Variants in MGA observed in about 807,000 individuals in gnomAD.
MGA encodes the protein MAX dimerization protein MGA, also known as MAX gene-associated protein.
Under a neutral mutation model 261.1 loss-of-function variants are expected in MGA, and 40 were observed. The observed-to-expected ratio is 0.15, with a 90% CI of 0.12 to 0.20. MGA has a LOEUF of 0.20. Among genes scored for constraint, MGA ranks in the 10% least tolerant of loss-of-function variants. MGA has a pLI of 1.00. For synonymous variants in MGA, 1,302 were observed against 1,290.6 expected (o/e 1.01, Z -0.19); for missense variants, 3,397 against 3,630.5 (o/e 0.94, Z 1.65).
Position 41,742,951 on chromosome 15 carries a change from C to G in MGA, c.4991C>G (p.Thr1664Ser), listed in dbSNP as rs1225024856. Reference sequence around the variant, plus strand: ...GCCACTGTGAACCTTACCAAAACCACTGGGATAACTACCCCTGTGGCTTCA... The same window carrying G: ...GCCACTGTGAACCTTACCAAAACCAGTGGGATAACTACCCCTGTGGCTTCA... Residue 1664 changes from threonine (T) to serine (S), a missense_variant, in exon 15 of 24, where the codon ACT (threonine) becomes AGT (serine). Physicochemically the swap from Thr to Ser is moderately conservative, Grantham distance 58. Transcript: ENST00000219905. 1 of 1,614,052 alleles carries G rather than the reference C, an allele frequency of 6.2e-7. No homozygotes were observed. The highest frequency in any genetic ancestry group is 8.5e-7 in the Non-Finnish European group (1 of 1,179,904).
chr15:41,640,783 C>T (rs1487524494), intron 1 of MGA, among the ~76,000 whole-genome samples: 1 of 152,216 alleles, frequency 6.6e-6, no homozygotes, highest in East Asian at 1.9e-4. Context: ...TCCCAAAGTG[C>T]TGGGATTATA....
At chr15:41,707,966 AAGAT>A (rs1195954331) in intron 6 of MGA, 107 bp downstream of exon 6, 25 of 1,413,914 alleles carry the variant, frequency 1.8e-5, no homozygotes, top group South Asian at 5.5e-5. Flanking sequence ...ACATTAGTCT[AAGAT>A]AGATCTTTTG....
intron 16 of MGA, 91 bp from the exon 17 acceptor site, chr15:41,749,020 A>C: frequency 1.3e-6 from 2 of 1,543,614 alleles, no homozygotes; most frequent in African/African-American, 1.4e-5. Context: ...TCATCTCTTA[A>C]GAGTTACTTT....
intron 2 of MGA, among the ~76,000 whole-genome samples, chr15:41,681,213 G>A (rs1204002133): frequency 2.0e-5 from 3 of 151,978 alleles, no homozygotes; most frequent in Non-Finnish European, 4.4e-5. Context: ...TCACCCCCTA[G>A]TTTTCTTTAT....
chr15:41,740,219 T>A lies in MGA; in HGVS notation c.4585+16T>A, dbSNP rs2062014223. 2.5e-6 allele frequency: 4 copies of A among 1,612,144 alleles called. No homozygotes were observed. The highest frequency in any genetic ancestry group is 3.4e-6 in the Non-Finnish European group (4 of 1,178,840). On this transcript the variant is annotated intron_variant, in intron 14 of 23. Transcript: ENST00000219905. ...CGGCCAATTGGTAAGTTGGGGTGTA[T>A]GTATGGTTTGGAAAGGCCTATGACT...
chr15:41,677,202 T>C (rs964114309), intron 2 of MGA, among the ~76,000 whole-genome samples: 9 of 152,160 alleles, frequency 5.9e-5, no homozygotes, highest in Non-Finnish European at 1.0e-4. Flanking sequence ...ATTGCAGAGG[T>C]GTGATCTTGG....
intron 1 of MGA, among the ~76,000 whole-genome samples, chr15:41,666,604 T>C (rs572459588): frequency 6.6e-6 from 1 of 152,336 alleles, no homozygotes; most frequent in East Asian, 1.9e-4. Context: ...TAAAAAACTT[T>C]TAAAAGATGT....
rs962544629 is a variant in MGA, at chr15:41,651,495, G to A, written c.-67-17333G>A. Among the ~76,000 whole-genome samples the A allele has an allele frequency of 1.6e-4, 25 of 151,538 alleles. 1 individual carries two copies. The highest frequency in any genetic ancestry group is 4.1e-4 in the African/African-American group (17 of 41,154). Reference sequence around the variant, plus strand: ...TCAGCTGAAAAGTCTCCTCTTCTTCGTAAAGAAAAGTCCCCTTTCTTTTTT... The same window carrying A: ...TCAGCTGAAAAGTCTCCTCTTCTTCATAAAGAAAAGTCCCCTTTCTTTTTT... On this transcript the variant is annotated intron_variant, in intron 1 of 8. Transcript: ENST00000566718.
upstream of MGA, among the ~76,000 whole-genome samples, chr15:41,659,269 T>C (rs1233247264): frequency 1.3e-5 from 2 of 152,208 alleles, no homozygotes; most frequent in Non-Finnish European, 2.9e-5. Flanking sequence ...AAATATGACC[T>C]TCCTAAGTAA....
intron 15 of MGA, among the ~76,000 whole-genome samples, chr15:41,746,328 G>T (rs888530032): frequency 6.6e-6 from 1 of 152,056 alleles, no homozygotes; most frequent in Non-Finnish European, 1.5e-5. Flanking sequence ...ATCACCTGAG[G>T]TCAGGAGTTT....
At chr15:41,682,475 T>TTTTA (rs988163898) in intron 2 of MGA, among the ~76,000 whole-genome samples, 3 of 152,004 alleles carry the variant, frequency 2.0e-5, no homozygotes, top group Non-Finnish European at 4.4e-5. Flanking sequence ...TATAGGTTCT[T>TTTTA]TTTATTTATT....
chr15:41,730,557 G>T (rs997838325), intron 11 of MGA, among the ~76,000 whole-genome samples: 1 of 152,166 alleles, frequency 6.6e-6, no homozygotes, highest in Non-Finnish European at 1.5e-5. Flanking sequence ...TTACACAGTC[G>T]TTCAAGCAAA....
intron 1 of MGA, among the ~76,000 whole-genome samples, chr15:41,653,403 A>C (rs2150735120): frequency 6.6e-6 from 1 of 151,950 alleles, no homozygotes; most frequent in Middle Eastern, 3.4e-3. Context: ...CAAACAAACA[A>C]ACAAAAAAAC....
chr15:41,729,466 A>G, intron 11 of MGA, 117 bp downstream of exon 11: 1 of 965,836 alleles, frequency 1.0e-6, no homozygotes, highest in Non-Finnish European at 1.5e-6. Context: ...CATACATGAC[A>G]TGTATAACAG....
chr15:41,748,516 A>T, intron 15 of MGA, 121 bp from the exon 16 acceptor site: 1 of 1,120,248 alleles, frequency 8.9e-7, no homozygotes, highest in Non-Finnish European at 1.2e-6. Context: ...AGGTTGTGTC[A>T]TTGCACTCCA....
chr15:41,695,337 T>C (rs2059502837), intron 2 of MGA, among the ~76,000 whole-genome samples: 1 of 152,144 alleles, frequency 6.6e-6, no homozygotes, highest in African/African-American at 2.4e-5. Flanking sequence ...TACTGGCATG[T>C]GCTACCACGC....
intron 13 of MGA, among the ~76,000 whole-genome samples, chr15:41,737,355 A>G (rs924152856): frequency 4.0e-5 from 6 of 150,568 alleles, no homozygotes; most frequent in African/African-American, 1.2e-4. Context: ...GGGTTTCGCC[A>G]TGTTGTCCAG....
chr15:41,745,459 AAAG>A (rs1190064178), intron 15 of MGA, among the ~76,000 whole-genome samples: 1 of 151,280 alleles, frequency 6.6e-6, no homozygotes, highest in African/African-American at 2.4e-5. Context: ...CTTTTTTTTT[AAAG>A]AAGAAAGCTA....
In MGA at chr15:41,696,619, C is replaced by T. The variant is rs2059560317; in HGVS notation, c.1609C>T (p.Leu537Phe). 6.2e-7 allele frequency: 1 copy of T among 1,613,732 alleles called. No individual in the cohort carries two copies. The highest frequency in any genetic ancestry group is 2.2e-5 in the East Asian group (1 of 44,888). Residue 537 changes from leucine to phenylalanine, a missense_variant, in exon 3 of 24, where the codon CTC becomes TTC. Transcript: ENST00000219905. ...TGGTCTTAGAAAACATTCACCAGAT[C>T]TCAGAGTGGTACAAAAATATCCCTT...
Sources: allele counts gnomAD v4.1 joint callset (sites outside exome capture counted in the v4.1 genomes callset), GRCh38; gene constraint gnomAD v4.1.1; transcripts MANE v1.5; gene names NCBI Gene and HGNC (gene_info 2026-07-23, HGNC 2026-07-21).